Variants in HS6ST3 observed in about 807,000 individuals in gnomAD.
HS6ST3 encodes heparan sulfate 6-O-sulfotransferase 3.
A neutral mutation model predicts 36.7 loss-of-function variants in HS6ST3; 12 were observed. That is an observed-to-expected ratio of 0.33 (90% CI 0.21 to 0.53). The LOEUF (loss-of-function observed/expected upper bound fraction) is 0.53. HS6ST3 is among the 20% of genes least tolerant of loss of function. The pLI is 0.95. For synonymous variants in HS6ST3, 240 were observed against 257.5 expected, an observed-to-expected ratio of 0.93 and a Z score of 0.65; for missense variants, 584 against 640.9, an observed-to-expected ratio of 0.91 and a Z score of 0.96.
Position 96,091,235 on chromosome 13 carries a change from C to G in HS6ST3, c.373C>G (p.Pro125Ala). ...AAACGGCTCCCTGCCCCGATTCGTG[C>G]CGCGCTTCAACTTCAGCCTGAAGGA... Reference protein sequence around the residue: ...PENGSLPRFVPRFNFSLKDLT... With the variant: ...PENGSLPRFVARFNFSLKDLT... Residue 125 changes from proline to alanine, a missense_variant, in exon 1 of 2, where the codon CCG (proline) becomes GCG (alanine). By Grantham distance (27) the Pro-to-Ala change is conservative. Around this residue, in one of 3 missense-constraint regions of HS6ST3, gnomAD observed 217 missense variants for 205.4 expected, o/e 1.06. Transcript: ENST00000376705. 1 of 1,591,754 alleles carries G rather than the reference C, an allele frequency of 6.3e-7. No homozygotes were observed. The highest frequency in any genetic ancestry group is 1.3e-5 in the African/African-American group (1 of 74,300).
intron 1 of HS6ST3, among the ~76,000 whole-genome samples, chr13:96,711,281 G>T (rs922666367): frequency 1.3e-5 from 2 of 152,178 alleles, no homozygotes; most frequent in Non-Finnish European, 2.9e-5. Context: ...AACCTGGCCA[G>T]CCAGAACACC....
intron 1 of HS6ST3, among the ~76,000 whole-genome samples, chr13:96,576,582 C>T (rs1240838535): frequency 6.6e-6 from 1 of 152,158 alleles, no homozygotes; most frequent in Non-Finnish European, 1.5e-5. Context: ...CTTGAGCATG[C>T]ACGCTTAGTG....
chr13:96,265,966 C>T (rs2054690144), intron 1 of HS6ST3, among the ~76,000 whole-genome samples: 1 of 152,092 alleles, frequency 6.6e-6, no homozygotes, highest in Non-Finnish European at 1.5e-5. Context: ...GGGATAACCT[C>T]TGTAGAGTTA....
intron 1 of HS6ST3, among the ~76,000 whole-genome samples, chr13:96,108,290 A>G (rs771729747): frequency 1.3e-4 from 20 of 152,216 alleles, no homozygotes; most frequent in African/African-American, 4.1e-4. Flanking sequence ...TGCTAGGATT[A>G]GGAAATTCCA....
chr13:96,392,576 A>C (rs139933233), intron 1 of HS6ST3, among the ~76,000 whole-genome samples: 76 of 152,358 alleles, frequency 5.0e-4, no homozygotes, highest in African/African-American at 1.8e-3. Context: ...CCAAAGAATT[A>C]GTTGGGGCTA....
intron 1 of HS6ST3, among the ~76,000 whole-genome samples, chr13:96,600,707 A>G (rs72642792): frequency 0.017 from 2,521 of 152,088 alleles, 54 homozygotes; most frequent in African/African-American, 0.045. Context: ...CAGTCATCAT[A>G]ATAATTATTA....
At chr13:96,269,826 T>C (rs1252837967) in intron 1 of HS6ST3, among the ~76,000 whole-genome samples, 2 of 151,998 alleles carry the variant, frequency 1.3e-5, no homozygotes, top group Admixed American at 6.6e-5. Flanking sequence ...ATGTAGGTAA[T>C]TGTTGGCAGT....
chr13:96,552,828 C>T (rs2056224333), intron 1 of HS6ST3, among the ~76,000 whole-genome samples: 1 of 152,104 alleles, frequency 6.6e-6, no homozygotes, highest in South Asian at 2.1e-4. Flanking sequence ...ATCCAAAGTT[C>T]AGAGGACAGG....
At chr13:96,625,923 C>T (rs1281760747) in intron 1 of HS6ST3, among the ~76,000 whole-genome samples, 7 of 151,862 alleles carry the variant, frequency 4.6e-5, no homozygotes, top group Admixed American at 4.6e-4. Context: ...TCACTGCAAG[C>T]TCCGCCTCCC....
intron 1 of HS6ST3, among the ~76,000 whole-genome samples, chr13:96,146,895 G>C (rs530600690): frequency 2.0e-5 from 3 of 152,158 alleles, no homozygotes; most frequent in Non-Finnish European, 4.4e-5. Flanking sequence ...TTGAACCATG[G>C]ATGAGGCAGA....
intron 1 of HS6ST3, among the ~76,000 whole-genome samples, chr13:96,788,090 A>G (rs1018829354): frequency 2.0e-5 from 3 of 151,866 alleles, no homozygotes; most frequent in Non-Finnish European, 4.4e-5. Context: ...TCTGGGTTCT[A>G]TGTTATGTTT....
Position 96,715,917 on chromosome 13 carries a change from A to T in HS6ST3, c.708-116573A>T, listed in dbSNP as rs576896667. ...CACTTTACTGTTTTCCTTCCCTTCC[A>T]TCTCTGAGACTTTTTCTTTTATAAT... On this transcript the variant is annotated intron_variant, in intron 1 of 1. Transcript: ENST00000376705. Among the ~76,000 whole-genome samples the T allele has an allele frequency of 2.4e-3, 367 of 151,870 alleles. 3 individuals carry two copies. The highest frequency in any genetic ancestry group is 8.3e-3 in the African/African-American group (344 of 41,426).
intron 1 of HS6ST3, among the ~76,000 whole-genome samples, chr13:96,493,703 C>G (rs777414585): frequency 3.3e-5 from 5 of 151,972 alleles, no homozygotes; most frequent in Non-Finnish European, 7.4e-5. Flanking sequence ...TGCCAAAAAG[C>G]TATGAAAAAA....
At chr13:96,125,480 T>G (rs2053946086) in intron 1 of HS6ST3, among the ~76,000 whole-genome samples, 1 of 152,188 alleles carries the variant, frequency 6.6e-6, no homozygotes, top group Admixed American at 6.5e-5. Flanking sequence ...CTATCTTACT[T>G]ATTTAACTTT....
intron 1 of HS6ST3, among the ~76,000 whole-genome samples, chr13:96,475,417 C>T (rs1185739387): frequency 6.6e-6 from 1 of 152,054 alleles, no homozygotes; most frequent in Non-Finnish European, 1.5e-5. Context: ...CTAATACAAG[C>T]ATAATGGTTT....
intron 1 of HS6ST3, among the ~76,000 whole-genome samples, chr13:96,652,089 T>C (rs1407252663): frequency 6.6e-6 from 1 of 152,086 alleles, no homozygotes; most frequent in Non-Finnish European, 1.5e-5. Context: ...ATAATATAGT[T>C]GTGTAATACA....
chr13:96,352,267 C>T lies in HS6ST3; in HGVS notation c.707+260698C>T, dbSNP rs749907607. ...ATAGTTTCTGTGTGTCAGGAATTTG[C>T]GAACAGTTTTGTTGGATGGTTCTGG... On this transcript the variant is annotated intron_variant, in intron 1 of 1. Transcript: ENST00000376705. Among the ~76,000 whole-genome samples the T allele has an allele frequency of 8.5e-5, 13 of 152,236 alleles. No homozygotes were observed. In the South Asian group the frequency reaches 1.0e-3, roughly 12 times the overall value.
At position 96,117,324 on chromosome 13, in the gene HS6ST3, A is replaced by C. The variant is rs528643858; in HGVS notation, c.707+25755A>C. The stretch of plus-strand genomic sequence containing the variant: ...GCCCCCTATGGTCTAAACACATCAA[A>C]ATAAAGCAGAAGAATAACAAAAATC... On this transcript the variant is annotated intron_variant, in intron 1 of 1. Transcript: ENST00000376705. Among the ~76,000 whole-genome samples, 3 of 152,358 alleles carry C rather than the reference A, an allele frequency of 2.0e-5. No homozygotes were observed. The East Asian group carries it at 5.8e-4, about 29-fold the overall frequency.
At chr13:96,745,633 T>C (rs1346526705) in intron 1 of HS6ST3, among the ~76,000 whole-genome samples, 1 of 152,060 alleles carries the variant, frequency 6.6e-6, no homozygotes, top group African/African-American at 2.4e-5. Context: ...CAGACCTTTT[T>C]GTAAAGGGCG....
Sources: gnomAD v4.1 joint callset for allele counts (sites outside exome capture counted in the v4.1 genomes callset) on GRCh38, gnomAD v4.1.1 for gene constraint, gnomAD v4.1.1 regional missense constraint, MANE v1.5 for transcripts, NCBI Gene and HGNC (gene_info 2026-07-23, HGNC 2026-07-21) for gene names.